CEP126: variants seen among roughly 807,000 people sequenced by gnomAD.
CEP126 encodes centrosomal protein 126, also known as centrosomal protein of 126 kDa.
CEP126 carries 74 observed loss-of-function variants against 107.8 expected under a neutral mutation model. That is an observed-to-expected ratio of 0.69 (90% confidence interval 0.57 to 0.83). CEP126 has a LOEUF of 0.83. Ranked by LOEUF, CEP126 falls within the 40% of genes least tolerant of loss-of-function variation. CEP126 has a pLI of 0.00. For missense variants in CEP126, 1,237 were observed against 1,281.9 expected, an observed-to-expected ratio of 0.96 and a Z score of 0.53; for synonymous variants, 449 against 446.0, an observed-to-expected ratio of 1.01 and a Z score of -0.08.
chr11:101,915,345 G>C lies in CEP126; in HGVS notation c.61G>C (p.Asp21His), dbSNP rs1940181988. ...AVGELGTESS[D>H]NLDRAPLGPR... Reference sequence around the variant, plus strand: ...CGGGGAACTGGGCACTGAATCATCGGACAACCTCGACAGAGCCCCCCTCGG... The same window carrying C: ...CGGGGAACTGGGCACTGAATCATCGCACAACCTCGACAGAGCCCCCCTCGG... Residue 21 changes from aspartate to histidine, a missense_variant, in exon 1 of 11, where the codon GAC becomes CAC. Physicochemically the swap from Asp to His is moderately conservative, Grantham distance 81 (BLOSUM62 -1). Around this residue, in one of 3 missense-constraint regions of CEP126, gnomAD observed 1,134 missense variants for 1,150.5 expected, o/e 0.99. Transcript: ENST00000263468. 4 of 1,614,002 alleles carry C rather than the reference G, an allele frequency of 2.5e-6. No homozygotes were observed. The highest frequency in any genetic ancestry group is 3.4e-6 in the Non-Finnish European group (4 of 1,180,012).
At chr11:101,974,766 G>A (rs1388261366) in intron 6 of CEP126, among the ~76,000 whole-genome samples, 1 of 152,130 alleles carries the variant, frequency 6.6e-6, no homozygotes, top group African/African-American at 2.4e-5. Context: ...AAGGTTCTCA[G>A]CTTTTGTATT....
At chr11:101,932,089 T>A (rs1565351426) in intron 2 of CEP126, among the ~76,000 whole-genome samples, 2 of 152,214 alleles carry the variant, frequency 1.3e-5, no homozygotes, top group Non-Finnish European at 2.9e-5. Context: ...CTTTCTCAAC[T>A]CTGAATTCTA....
At chr11:101,946,532 A>G (rs1189377360) in intron 3 of CEP126, among the ~76,000 whole-genome samples, 1 of 151,812 alleles carries the variant, frequency 6.6e-6, no homozygotes, top group Non-Finnish European at 1.5e-5. Context: ...ATAAATAGAT[A>G]TAATCAGTAG....
intron 1 of CEP126, among the ~76,000 whole-genome samples, chr11:101,915,852 T>A (rs1478953276): frequency 6.6e-6 from 1 of 152,228 alleles, no homozygotes; most frequent in Non-Finnish European, 1.5e-5. Context: ...CCTAAATGCA[T>A]TTACCAGAGC....
intron 6 of CEP126, among the ~76,000 whole-genome samples, chr11:101,975,478 C>CA (rs1210027951): frequency 6.6e-5 from 10 of 152,160 alleles, no homozygotes; most frequent in African/African-American, 2.2e-4. Flanking sequence ...TTTTAGAGCC[C>CA]AACTAATTGG....
At position 101,958,289 on chromosome 11, in the gene CEP126, A is replaced by C. The variant is rs763858079; in HGVS notation, c.628A>C (p.Thr210Pro). The C allele has an allele frequency of 1.2e-6, 2 of 1,614,058 alleles. No homozygotes were observed. The highest frequency in any genetic ancestry group is 4.5e-5 in the East Asian group (2 of 44,844). Residue 210 changes from threonine to proline, a missense_variant, in exon 5 of 11, where the codon ACT becomes CCT. Physicochemically the swap from Thr to Pro is conservative, Grantham distance 38 (BLOSUM62 -1). Transcript: ENST00000263468. ...TGAAAACATGAGGGCAACCTTGGCT[A>C]CTAGCAAAAATGTGTTCCAGCTTAA... ...MNENMRATLA[T>P]SKNVFQLKLE... is the part of the protein sequence containing the mutation.
chr11:101,952,472 C>T (rs1940825269), intron 4 of CEP126, among the ~76,000 whole-genome samples: 1 of 152,114 alleles, frequency 6.6e-6, no homozygotes, highest in Admixed American at 6.6e-5. Flanking sequence ...TTAGAAGGTA[C>T]AATCAATATG....
chr11:101,958,489 GGAT>G, intron 5 of CEP126, 123 bp downstream of exon 5: 1 of 731,678 alleles, frequency 1.4e-6, no homozygotes, highest in Non-Finnish European at 2.2e-6. Flanking sequence ...AAGACAGTGT[GGAT>G]GAATCAGCAC....
At chr11:101,985,992 C>CTTTTT (rs1402873159) in intron 8 of CEP126, among the ~76,000 whole-genome samples, 3 of 98,052 alleles carry the variant, frequency 3.1e-5, no homozygotes, top group South Asian at 3.0e-4. Flanking sequence ...GAATTGATTT[C>CTTTTT]TTTTTTTTTT....
intron 4 of CEP126, chr11:101,955,809 C>T (rs1409442940): frequency 8.9e-6 from 4 of 450,914 alleles, no homozygotes; most frequent in Non-Finnish European, 1.8e-5. Flanking sequence ...CCTGCCTGTC[C>T]AGCTGTCTCC....
chr11:101,930,612 C>T (rs1337075188), intron 2 of CEP126, among the ~76,000 whole-genome samples: 1 of 152,178 alleles, frequency 6.6e-6, no homozygotes, highest in Non-Finnish European at 1.5e-5. Context: ...TGGTGGCCAG[C>T]TTTTATCCCC....
intron 8 of CEP126, among the ~76,000 whole-genome samples, chr11:101,982,669 G>A (rs905925186): frequency 1.3e-5 from 2 of 151,972 alleles, no homozygotes; most frequent in Admixed American, 1.3e-4. Flanking sequence ...TACTTATATT[G>A]TATTTTCACA....
chr11:101,939,235 T>A (rs1485510138), intron 2 of CEP126, among the ~76,000 whole-genome samples: 1 of 152,222 alleles, frequency 6.6e-6, no homozygotes, highest in Non-Finnish European at 1.5e-5. Flanking sequence ...TGTGTTTGCT[T>A]CATGTATTTT....
intron 10 of CEP126, among the ~76,000 whole-genome samples, chr11:101,996,789 A>T (rs1941446599): frequency 6.6e-6 from 1 of 152,194 alleles, no homozygotes; most frequent in Non-Finnish European, 1.5e-5. Context: ...AGAGGGAAGC[A>T]GGGGCTAATG....
At chr11:101,956,384 C>T (rs750010566) in intron 4 of CEP126, 1 of 456,366 alleles carries the variant, frequency 2.2e-6, no homozygotes, top group Non-Finnish European at 4.4e-6. Flanking sequence ...GTTGCCTGCA[C>T]ATCCTGCTAG....
chr11:101,996,167 G>C (rs1321404782), intron 10 of CEP126, among the ~76,000 whole-genome samples: 1 of 152,242 alleles, frequency 6.6e-6, no homozygotes, highest in Non-Finnish European at 1.5e-5. Flanking sequence ...CAGGCACTGG[G>C]CTGCAGACCT....
At chr11:101,933,212 A>G (rs1366200149) in intron 2 of CEP126, among the ~76,000 whole-genome samples, 1 of 152,192 alleles carries the variant, frequency 6.6e-6, no homozygotes, top group Non-Finnish European at 1.5e-5. Context: ...CACTGAACTT[A>G]TGATACTTAC....
At chr11:101,930,423 T>G (rs1349796905) in intron 2 of CEP126, among the ~76,000 whole-genome samples, 2 of 152,212 alleles carry the variant, frequency 1.3e-5, no homozygotes, top group African/African-American at 4.8e-5. Flanking sequence ...TCCCTTCTGG[T>G]GGGTTCGTGG....
At chr11:101,946,836 T>C (rs1940743516) in intron 3 of CEP126, among the ~76,000 whole-genome samples, 1 of 152,096 alleles carries the variant, frequency 6.6e-6, no homozygotes, top group Admixed American at 6.5e-5. Context: ...CACTCCAGCC[T>C]GAGCGACAGA....
Sources: gnomAD v4.1 joint callset for allele counts (sites outside exome capture counted in the v4.1 genomes callset) on GRCh38, gnomAD v4.1.1 for gene constraint, gnomAD v4.1.1 regional missense constraint, MANE v1.5 for transcripts, NCBI Gene and HGNC (gene_info 2026-07-23, HGNC 2026-07-21) for gene names.